Variants in NDUFAF2 observed in about 807,000 individuals in gnomAD.
NDUFAF2 encodes NADH:ubiquinone oxidoreductase complex assembly factor 2.
In NDUFAF2, 13 loss-of-function variants were observed where a neutral mutation model predicts 22.8. That is an observed-to-expected ratio of 0.57 (90% CI 0.37 to 0.91). NDUFAF2 has a LOEUF of 0.91. NDUFAF2 is among the 40% of genes least tolerant of loss of function. The probability of loss-of-function intolerance (pLI) is 0.01; values close to 1 mark genes in which losing one functional copy is unlikely to be tolerated. For missense variants in NDUFAF2, 162 were observed against 195.2 expected (o/e 0.83, Z 1.01); for synonymous variants, 53 against 64.2 (o/e 0.83, Z 0.84).
chr5:60,976,796 A>G (rs1006892804), intron 1 of NDUFAF2, among the ~76,000 whole-genome samples: 6 of 152,068 alleles, frequency 3.9e-5, no homozygotes, highest in Non-Finnish European at 8.8e-5. Context: ...TTTCTTTTTC[A>G]TAAGGAACCT....
intron 1 of NDUFAF2, among the ~76,000 whole-genome samples, chr5:61,052,671 A>T (rs767572144): frequency 4.6e-5 from 7 of 152,202 alleles, no homozygotes; most frequent in Non-Finnish European, 1.0e-4. Context: ...TATGGTTTTT[A>T]TAAGTAGACA....
chr5:61,077,485 G>C (rs1752384018), intron 2 of NDUFAF2, among the ~76,000 whole-genome samples: 1 of 152,326 alleles, frequency 6.6e-6, no homozygotes, highest in South Asian at 2.1e-4. Flanking sequence ...ATGCATGATA[G>C]AAAAAGAAGT....
intron 2 of NDUFAF2, among the ~76,000 whole-genome samples, chr5:61,076,898 T>C (rs1660662900): frequency 2.6e-5 from 4 of 152,146 alleles, no homozygotes; most frequent in African/African-American, 7.2e-5. Flanking sequence ...CCAACAGGAT[T>C]TGATGACATA....
chr5:61,146,615 T>G (rs1442647178), intron 3 of NDUFAF2, among the ~76,000 whole-genome samples: 1 of 152,184 alleles, frequency 6.6e-6, no homozygotes, highest in African/African-American at 2.4e-5. Context: ...TTTTTTCCTG[T>G]GTCTAGTTTT....
chr5:61,068,672 C>T (rs1752258953), intron 1 of NDUFAF2, among the ~76,000 whole-genome samples: 1 of 151,948 alleles, frequency 6.6e-6, no homozygotes, highest in Non-Finnish European at 1.5e-5. Flanking sequence ...TTTAATGAAT[C>T]TATTATTAGG....
intron 1 of NDUFAF2, among the ~76,000 whole-genome samples, chr5:60,949,081 CTT>C (rs1182462302): frequency 6.6e-6 from 1 of 152,056 alleles, no homozygotes; most frequent in Non-Finnish European, 1.5e-5. Context: ...GTAAAATTAA[CTT>C]TTAAAATTGG....
At chr5:61,089,717 G>A (rs1752544214) in intron 2 of NDUFAF2, among the ~76,000 whole-genome samples, 1 of 151,964 alleles carries the variant, frequency 6.6e-6, no homozygotes, top group African/African-American at 2.4e-5. Flanking sequence ...GCTAAAAGAA[G>A]TCCCCTGACA....
At chr5:61,138,494 C>T (rs1204719111) in intron 3 of NDUFAF2, among the ~76,000 whole-genome samples, 1 of 152,150 alleles carries the variant, frequency 6.6e-6, no homozygotes, top group Non-Finnish European at 1.5e-5. Context: ...GTAACAGCCT[C>T]CTCCCCCCCA....
intron 2 of NDUFAF2, among the ~76,000 whole-genome samples, chr5:61,075,540 A>G (rs1416249477): frequency 1.3e-5 from 2 of 152,182 alleles, no homozygotes; most frequent in Admixed American, 6.5e-5. Flanking sequence ...CAATAATAGT[A>G]TAGAATTAAG....
At chr5:60,945,904 C>T (rs1750440809) in intron 1 of NDUFAF2, among the ~76,000 whole-genome samples, 1 of 152,102 alleles carries the variant, frequency 6.6e-6, no homozygotes, top group African/African-American at 2.4e-5. Context: ...TTCGGTGGCA[C>T]CCTGGCTCCG....
intron 1 of NDUFAF2, among the ~76,000 whole-genome samples, chr5:61,067,568 A>G (rs1203646141): frequency 6.6e-6 from 1 of 152,088 alleles, no homozygotes; most frequent in Non-Finnish European, 1.5e-5. Flanking sequence ...ATTGATGGAT[A>G]TTTGGGTTGG....
In NDUFAF2 at chr5:60,982,970, G is replaced by A. The variant is rs987042913; in HGVS notation, c.127+37588G>A. Among the ~76,000 whole-genome samples, 10 of 151,632 alleles carry A rather than the reference G, an allele frequency of 6.6e-5. No homozygotes were observed. In the East Asian group the frequency reaches 9.9e-4, roughly 15 times the overall value. ...TCTAGTTCTAGATTCCTGAGGAATC[G>A]CCACACTGACTTCCACAATGGTTGA... On this transcript the variant is annotated intron_variant, in intron 1 of 3. Transcript: ENST00000296597.
At chr5:61,088,528 A>T (rs1472501032) in intron 2 of NDUFAF2, among the ~76,000 whole-genome samples, 3 of 152,128 alleles carry the variant, frequency 2.0e-5, no homozygotes, top group African/African-American at 7.2e-5. Flanking sequence ...GGTGCTAATT[A>T]CAGGATTGTA....
chr5:61,016,183 T>TA lies in NDUFAF2; in HGVS notation c.128-56932dup, dbSNP rs70977818. On this transcript the variant is annotated intron_variant, in intron 1 of 3. Coordinates refer to ENST00000296597, the MANE Select transcript of NDUFAF2 (RefSeq NM_174889.5). The stretch of plus-strand genomic sequence containing the variant: ...CCTGGCAACAGAGCAAGACTCTATC[T>TA]AAAAAAAAAATATATATATACAGAG... 6.1e-4 allele frequency among the ~76,000 whole-genome samples: 85 copies of TA among 138,496 alleles called. 1 individual carries two copies. The highest frequency in any genetic ancestry group is 1.0e-3 in the Non-Finnish European group (62 of 61,038). The allele number at this position is 138,496 out of a possible 152,430, so 90.9% of individuals were successfully genotyped here.
intron 1 of NDUFAF2, among the ~76,000 whole-genome samples, chr5:60,995,851 T>G (rs1446961829): frequency 6.6e-6 from 1 of 152,238 alleles, no homozygotes; most frequent in Non-Finnish European, 1.5e-5. Flanking sequence ...TCTTTTGTAT[T>G]GTGGCTGAGC....
chr5:61,055,799 T>G lies in NDUFAF2; in HGVS notation c.128-17326T>G, dbSNP rs79472465. On this transcript the variant is annotated intron_variant, in intron 1 of 3. Transcript: ENST00000296597. ...TAGGAGGTGATTATGCTAGTACATT[T>G]TCTTAAATTTCCATGTAAAAATTAA... Among the ~76,000 whole-genome samples the G allele has an allele frequency of 6.5e-3, 997 of 152,324 alleles. 11 individuals are homozygous for G. The highest frequency in any genetic ancestry group is 0.028 in the South Asian group (135 of 4,828).
At chr5:60,968,901 C>T (rs906672001) in intron 1 of NDUFAF2, among the ~76,000 whole-genome samples, 3 of 152,040 alleles carry the variant, frequency 2.0e-5, no homozygotes, top group Non-Finnish European at 4.4e-5. Flanking sequence ...TTTCTGCTCT[C>T]TATCTTCATG....
intron 2 of NDUFAF2, among the ~76,000 whole-genome samples, chr5:61,074,545 C>T (rs986334870): frequency 6.6e-6 from 1 of 151,804 alleles, no homozygotes; most frequent in Non-Finnish European, 1.5e-5. Flanking sequence ...CAAGATCACG[C>T]CACTGCACTC....
chr5:61,032,982 A>G (rs1210929859), intron 1 of NDUFAF2, among the ~76,000 whole-genome samples: 1 of 151,826 alleles, frequency 6.6e-6, no homozygotes. Flanking sequence ...CTTTTTTCTC[A>G]TTATTTTGGG....
Sources: gnomAD v4.1 joint callset for allele counts (sites outside exome capture counted in the v4.1 genomes callset) on GRCh38, gnomAD v4.1.1 for gene constraint, MANE v1.5 for transcripts, NCBI Gene and HGNC (gene_info 2026-07-23, HGNC 2026-07-21) for gene names.